The following ASIC2 variants were observed in gnomAD, a reference collection of about 807,000 sequenced individuals.
ASIC2 encodes acid sensing ion channel subunit 2.
In ASIC2, 25 loss-of-function variants were observed where a neutral mutation model predicts 57.3. The observed-to-expected ratio is 0.44, with a 90% CI of 0.32 to 0.61. The LOEUF (loss-of-function observed/expected upper bound fraction) is 0.61. ASIC2 is among the 20% of genes least tolerant of loss of function. The probability of loss-of-function intolerance (pLI) is 0.06; values close to 1 mark genes in which losing one functional copy is unlikely to be tolerated. For synonymous variants in ASIC2, 319 were observed against 307.5 expected (o/e 1.04, Z -0.39); for missense variants, 641 against 738.1 (o/e 0.87, Z 1.52).
intron 1 of ASIC2, among the ~76,000 whole-genome samples, chr17:33,174,414 C>A (rs1373589095): frequency 7.6e-6 from 1 of 130,896 alleles, no homozygotes. Context: ...CAGCAAGACT[C>A]CATCAAAAAA....
intron 1 of ASIC2, among the ~76,000 whole-genome samples, chr17:33,402,160 G>A (rs1284255701): frequency 6.6e-6 from 1 of 152,188 alleles, no homozygotes; most frequent in Non-Finnish European, 1.5e-5. Context: ...TGAGGGGTTA[G>A]ATCTGAGGGG....
At chr17:33,815,486 G>T (rs941736239) in intron 1 of ASIC2, among the ~76,000 whole-genome samples, 2 of 152,126 alleles carry the variant, frequency 1.3e-5, no homozygotes, top group East Asian at 3.9e-4. Context: ...TTTTGTTTTG[G>T]TTCCTGAAAA....
At chr17:33,769,030 A>T (rs183335434) in intron 1 of ASIC2, among the ~76,000 whole-genome samples, 1 of 152,172 alleles carries the variant, frequency 6.6e-6, no homozygotes, top group Non-Finnish European at 1.5e-5. Context: ...CCATCCTTCA[A>T]TCATCAAGCA....
chr17:33,770,241 C>A (rs970833402), intron 1 of ASIC2, among the ~76,000 whole-genome samples: 10 of 152,192 alleles, frequency 6.6e-5, no homozygotes, highest in Admixed American at 2.0e-4. Context: ...GTGATGGATG[C>A]TTTATTTGTA....
intron 5 of ASIC2, 44 bp downstream of exon 5, chr17:33,025,882 A>C: frequency 6.5e-7 from 1 of 1,537,836 alleles, no homozygotes; most frequent in Non-Finnish European, 8.8e-7. Flanking sequence ...TCTCAGTCTC[A>C]GGCCCCCGGC....
At chr17:33,635,504 A>G (rs1032519257) in intron 1 of ASIC2, among the ~76,000 whole-genome samples, 13 of 152,248 alleles carry the variant, frequency 8.5e-5, no homozygotes. Context: ...TAAGCACATC[A>G]TAGCAACACC....
At chr17:34,150,450 GT>G (rs1203663518) in intron 1 of ASIC2, among the ~76,000 whole-genome samples, 1 of 152,094 alleles carries the variant, frequency 6.6e-6, no homozygotes, top group Non-Finnish European at 1.5e-5. Flanking sequence ...ATGTTAAATA[GT>G]TTGATTTAGC....
At chr17:33,832,498 A>T (rs923124388) in intron 1 of ASIC2, among the ~76,000 whole-genome samples, 2 of 152,162 alleles carry the variant, frequency 1.3e-5, no homozygotes, top group Non-Finnish European at 2.9e-5. Context: ...CGTTGGAGAG[A>T]TACACTGGCA....
chr17:33,409,428 T>C (rs1215335191), intron 1 of ASIC2, among the ~76,000 whole-genome samples: 1 of 152,158 alleles, frequency 6.6e-6, no homozygotes, highest in Non-Finnish European at 1.5e-5. Flanking sequence ...ACTTAACACC[T>C]TGTCTGAGAA....
chr17:33,135,277 TGGAATACCCTTTCCA>T (rs1011829032), intron 1 of ASIC2, among the ~76,000 whole-genome samples: 1 of 152,156 alleles, frequency 6.6e-6, no homozygotes, highest in African/African-American at 2.4e-5. Flanking sequence ...TCTGCCTGCC[TGGAATACCCTTTCCA>T]GGAATACCCT....
intron 1 of ASIC2, among the ~76,000 whole-genome samples, chr17:33,959,982 A>G (rs1597950237): frequency 6.6e-6 from 1 of 152,304 alleles, no homozygotes; most frequent in South Asian, 2.1e-4. Context: ...CTCTTAGTCC[A>G]TGGACTTTGT....
At chr17:33,107,431 G>C (rs1054979360) in intron 2 of ASIC2, among the ~76,000 whole-genome samples, 1 of 152,036 alleles carries the variant, frequency 6.6e-6, no homozygotes, top group African/African-American at 2.4e-5. Flanking sequence ...AATTCTTTTT[G>C]GGCCCTGCAT....
At chr17:34,017,039 A>G (rs1254602217) in intron 1 of ASIC2, among the ~76,000 whole-genome samples, 3 of 152,194 alleles carry the variant, frequency 2.0e-5, no homozygotes, top group African/African-American at 7.2e-5. Context: ...ACCTTACTTT[A>G]TTGCACCATG....
At chr17:33,814,615 G>T (rs1366677799) in intron 1 of ASIC2, among the ~76,000 whole-genome samples, 2 of 152,226 alleles carry the variant, frequency 1.3e-5, no homozygotes, top group Admixed American at 1.3e-4. Flanking sequence ...GTGGCAGAGG[G>T]GTGTCACTTT....
chr17:33,137,469 G>A (rs2092371191), intron 1 of ASIC2, among the ~76,000 whole-genome samples: 1 of 152,330 alleles, frequency 6.6e-6, no homozygotes, highest in Admixed American at 6.5e-5. Flanking sequence ...AGGTGGGGAA[G>A]GGAAGACAAC....
intron 6 of ASIC2, among the ~76,000 whole-genome samples, chr17:33,022,501 A>G (rs1461060722): frequency 6.6e-6 from 1 of 152,168 alleles, no homozygotes; most frequent in Non-Finnish European, 1.5e-5. Context: ...CTAGTCTGTT[A>G]GGATAAAGCC....
At chr17:33,466,409 T>A (rs553547614) in intron 1 of ASIC2, among the ~76,000 whole-genome samples, 96 of 152,248 alleles carry the variant, frequency 6.3e-4, no homozygotes, top group Non-Finnish European at 1.2e-3. Flanking sequence ...AAAATGGCCA[T>A]ACTGCCCAAG....
intron 1 of ASIC2, among the ~76,000 whole-genome samples, chr17:33,699,638 G>C (rs542977915): frequency 6.6e-6 from 1 of 152,288 alleles, no homozygotes; most frequent in Non-Finnish European, 1.5e-5. Flanking sequence ...TTCAGCAGCA[G>C]AGACATCACA....
chr17:33,156,835 G>A (rs1464550245), intron 1 of ASIC2, among the ~76,000 whole-genome samples: 2 of 152,160 alleles, frequency 1.3e-5, no homozygotes, highest in African/African-American at 2.4e-5. Context: ...AAATCAGACT[G>A]GGGAGACGGG....
Sources: gnomAD v4.1 joint callset for allele counts (sites outside exome capture counted in the v4.1 genomes callset) on GRCh38, gnomAD v4.1.1 for gene constraint, MANE v1.5 for transcripts, NCBI Gene and HGNC (gene_info 2026-07-23, HGNC 2026-07-21) for gene names.